The following CACNA1C variants were observed in gnomAD, a reference collection of about 807,000 sequenced individuals.
CACNA1C encodes the protein voltage-dependent L-type calcium channel subunit alpha-1C.
Under a neutral mutation model 229.0 loss-of-function variants are expected in CACNA1C, and 30 were observed. The ratio of observed to expected loss-of-function variants is 0.13; its 90% CI spans 0.10 to 0.18. The LOEUF is 0.18. Among genes scored for constraint, CACNA1C ranks in the 10% least tolerant of loss-of-function variants. The pLI is 1.00. For synonymous variants in CACNA1C, 1,114 were observed against 1,132.5 expected (o/e 0.98, Z 0.33); for missense variants, 1,658 against 2,845.0 (o/e 0.58, Z 9.49).
chr12:2,641,437 A>T lies in CACNA1C; in HGVS notation c.3913-7038A>T, dbSNP rs1205591719. On this transcript the variant is annotated intron_variant, in intron 30 of 46. Transcript: ENST00000399655. The stretch of plus-strand genomic sequence containing the variant: ...GTGGCCTGAGCTGGTTCTAGGACAC[A>T]TAGATTAAATCAAGTTCCGTGGTCT... 6.5e-6 allele frequency: 3 copies of T among 460,138 alleles called. No individual in the cohort carries two copies. In the Admixed American group the frequency reaches 1.1e-4, roughly 17 times the overall value. 28.5% of individuals were successfully genotyped at this position (460,138 alleles called of 1,614,324 possible).
intron 5 of CACNA1C, among the ~76,000 whole-genome samples, chr12:2,470,077 T>G (rs993885636): frequency 1.1e-4 from 16 of 152,222 alleles, no homozygotes; most frequent in African/African-American, 3.9e-4. Flanking sequence ...ACCTGAGGTG[T>G]CATGACAGAG....
chr12:2,540,867 G>A (rs1007387998), intron 9 of CACNA1C, among the ~76,000 whole-genome samples: 4 of 152,172 alleles, frequency 2.6e-5, no homozygotes, highest in South Asian at 2.1e-4. Context: ...GCCCAACAGC[G>A]TATCACAGAC....
In CACNA1C at chr12:2,691,047, A is replaced by G; in HGVS notation, c.6265A>G (p.Ser2089Gly). ...CATCCTCAGCGGGGGCGCCCCACAGAGCCCCAATGGCGCCCTCTTACCCTT... is the reference window on the plus strand; with the variant it reads ...CATCCTCAGCGGGGGCGCCCCACAGGGCCCCAATGGCGCCCTCTTACCCTT... ...DNILSGGAPQ[S>G]PNGALLPFVN... is the part of the protein sequence containing the mutation. Residue 2089 changes from serine to glycine, a missense_variant, in exon 47 of 47, where the codon AGC becomes GGC. Transcript: ENST00000399655. 6.2e-7 allele frequency: 1 copy of G among 1,606,026 alleles called. No homozygotes were observed. Among genetic ancestry groups the G allele is most frequent in the Non-Finnish European group, 8.5e-7 (1 of 1,176,516 alleles).
chr12:2,067,482 G>GTGCA lies in CACNA1C; in HGVS notation c.49+13871_49+13872insTGCA, dbSNP rs1555107491. Among the ~76,000 whole-genome samples the GTGCA allele has an allele frequency of 5.2e-4, 9 of 17,306 alleles. No homozygotes were observed. The highest frequency in any genetic ancestry group is 3.5e-3 in the East Asian group (1 of 288). The allele number at this position is 17,306 out of a possible 152,430, so 11.4% of individuals were successfully genotyped here. A position where few individuals can be genotyped will look rare whatever the true frequency, so the allele number is the denominator to read the frequency against. ...TGTGTGTGTGTGTGTGTGTGTGTGT[G>GTGCA]CGCGCGTGTGCGTGCCTGTATGTAA... is the stretch of plus-strand genomic sequence containing the variant. On this transcript the variant is annotated intron_variant, in intron 1 of 46. Coordinates refer to ENST00000399655, the MANE Select transcript of CACNA1C (RefSeq NM_000719.7). This position sits in a 1 kb window ranked among gnomAD's most constrained non-coding sequence, Gnocchi z 5.3.
At position 2,597,243 on chromosome 12, in the gene CACNA1C, T is replaced by G. The variant is rs762624889; in HGVS notation, c.2807T>G (p.Phe936Cys). The change falls in exon 21 of 47, where the codon TTT becomes TGT. Residue 936 changes from phenylalanine (F) to cysteine (C), a missense_variant. Transcript: ENST00000399655. The surrounding 1 kb of genome is among the most constrained non-coding windows in gnomAD (Gnocchi z 4.3). ...TTTGTTTTGCAGATTCTGTTTTATT[T>G]TGATATTGTTTTTACCACCATTTTC... ...TSFRNHILFY[F>C]DIVFTTIFTI... 3.7e-6 allele frequency: 6 copies of G among 1,611,814 alleles called. No homozygotes were observed. Among genetic ancestry groups the G allele is most frequent in the Non-Finnish European group, 5.1e-6 (6 of 1,177,932 alleles).
chr12:1,984,691 A>G (rs2037136400), intron 1 of CACNA1C, among the ~76,000 whole-genome samples: 1 of 147,506 alleles, frequency 6.8e-6, no homozygotes, highest in Non-Finnish European at 1.5e-5. Context: ...TTCCTACTTC[A>G]TCCTGCAATT....
At chr12:2,101,654 G>A (rs1376062587) in intron 1 of CACNA1C, among the ~76,000 whole-genome samples, 2 of 152,168 alleles carry the variant, frequency 1.3e-5, no homozygotes, top group Non-Finnish European at 2.9e-5. Flanking sequence ...GGCACGAGGT[G>A]GAGTGCGAGC....
At chr12:2,035,047 C>T (rs67408467) in intron 1 of CACNA1C, among the ~76,000 whole-genome samples, 22,694 of 152,182 alleles carry the variant, frequency 0.15, 1,779 homozygotes, top group South Asian at 0.16. Context: ...CCGCGACAGC[C>T]CCGTCGTCCA....
chr12:2,584,385 C>A, intron 15 of CACNA1C, 118 bp from the exon 16 acceptor site: 1 of 675,274 alleles, frequency 1.5e-6, no homozygotes, highest in South Asian at 1.7e-5. Context: ...CAAATTGCTT[C>A]CCCCTCAAGC....
intron 3 of CACNA1C, among the ~76,000 whole-genome samples, chr12:2,147,211 G>A (rs2094803333): frequency 6.6e-6 from 1 of 151,326 alleles, no homozygotes; most frequent in Non-Finnish European, 1.5e-5. Context: ...AATGTTTCAG[G>A]AGCTTCAAAG....
At position 2,596,015 on chromosome 12, in the gene CACNA1C, C is replaced by T. The variant is rs2067984190; in HGVS notation, c.2793+12C>T. ...CCTTCAGGAACCATGTATGCATCGC[C>T]TGTGTCTTCTGCACTCCTTCCCCCT... On this transcript the variant is annotated intron_variant, in intron 20 of 46. Coordinates refer to ENST00000399655, the MANE Select transcript of CACNA1C (RefSeq NM_000719.7). 6.2e-7 allele frequency: 1 copy of T among 1,607,628 alleles called. No homozygotes were observed. The highest frequency in any genetic ancestry group is 1.3e-5 in the African/African-American group (1 of 74,912).
intron 4 of CACNA1C, among the ~76,000 whole-genome samples, chr12:2,450,705 G>A (rs910211030): frequency 6.6e-6 from 1 of 152,096 alleles, no homozygotes; most frequent in African/African-American, 2.4e-5. Flanking sequence ...CCCAGTGAGT[G>A]CTCAAGTGGC....
chr12:2,290,002 T>C (rs1387007403), intron 3 of CACNA1C, among the ~76,000 whole-genome samples: 1 of 152,196 alleles, frequency 6.6e-6, no homozygotes, highest in Non-Finnish European at 1.5e-5. Flanking sequence ...AGCTAGTTAG[T>C]AATAAAGCTT....
In CACNA1C at chr12:2,651,926, G is replaced by A. The variant is rs966122464; in HGVS notation, c.4074+158G>A. ...CTGCCTGGCTCCCTGTTTCCGCACC[G>A]AGAGGCCTAGACGAAGCATGTGGTT... On this transcript the variant is annotated intron_variant, in intron 32 of 46. Coordinates refer to ENST00000399655, the MANE Select transcript of CACNA1C (RefSeq NM_000719.7). This position sits in a 1 kb window ranked among gnomAD's most constrained non-coding sequence, Gnocchi z 5.4. Among the ~76,000 whole-genome samples the A allele has an allele frequency of 4.6e-5, 7 of 152,038 alleles. 1 individual carries two copies. Among genetic ancestry groups the A allele is most frequent in the Admixed American group, 2.0e-4 (3 of 15,280 alleles).
At chr12:2,615,478 G>A (rs2079971076) in intron 29 of CACNA1C, among the ~76,000 whole-genome samples, 1 of 152,210 alleles carries the variant, frequency 6.6e-6, no homozygotes, top group South Asian at 2.1e-4. Flanking sequence ...TTCCTGAATT[G>A]GAAAGCTCAA....
At chr12:2,490,029 A>G (rs778645250) in intron 6 of CACNA1C, among the ~76,000 whole-genome samples, 10 of 152,228 alleles carry the variant, frequency 6.6e-5, no homozygotes, top group Non-Finnish European at 1.0e-4. Flanking sequence ...GTGTGTTCAC[A>G]TTTTTTCAAG....
At chr12:2,528,843 A>G (rs536821217) in intron 9 of CACNA1C, among the ~76,000 whole-genome samples, 2 of 152,186 alleles carry the variant, frequency 1.3e-5, no homozygotes, top group African/African-American at 4.8e-5. Context: ...CTGGGATTCA[A>G]GTTCACAAAA....
intron 3 of CACNA1C, among the ~76,000 whole-genome samples, chr12:2,123,102 C>T (rs111708691): frequency 1.2e-4 from 19 of 152,196 alleles, no homozygotes; most frequent in Non-Finnish European, 2.1e-4. Flanking sequence ...CTGGGCCGGG[C>T]GCAGTGGCCC....
At chr12:2,593,778 A>G (rs2066684575) in intron 19 of CACNA1C, among the ~76,000 whole-genome samples, 1 of 152,252 alleles carries the variant, frequency 6.6e-6, no homozygotes, top group Admixed American at 6.5e-5. Flanking sequence ...TTACTGTTAT[A>G]TAGATACTGT....
Sources: allele counts gnomAD v4.1 joint callset (sites outside exome capture counted in the v4.1 genomes callset), GRCh38; gene constraint gnomAD v4.1.1; non-coding constraint Gnocchi (gnomAD v3.1); transcripts MANE v1.5; gene names NCBI Gene and HGNC (gene_info 2026-07-23, HGNC 2026-07-21).